Variants in UNC13C observed in about 807,000 individuals in gnomAD.
The protein encoded by UNC13C is protein unc-13 homolog C.
Under a neutral mutation model 245.4 loss-of-function variants are expected in UNC13C, and 174 were observed. That is an observed-to-expected ratio of 0.71 (90% CI 0.63 to 0.80). The LOEUF (loss-of-function observed/expected upper bound fraction) is 0.80. UNC13C is among the 30% of genes least tolerant of loss of function. UNC13C has a pLI of 0.00. For synonymous variants in UNC13C, 992 were observed against 895.1 expected (o/e 1.11, Z -1.93); for missense variants, 2,829 against 2,602.9 (o/e 1.09, Z -1.89).
At chr15:54,254,591 G>A (rs970116700) in intron 8 of UNC13C, among the ~76,000 whole-genome samples, 3 of 152,160 alleles carry the variant, frequency 2.0e-5, no homozygotes, top group African/African-American at 7.2e-5. Flanking sequence ...ATAGGCATAC[G>A]CTATTAAAGG....
chr15:54,126,940 T>A (rs1357942921), intron 2 of UNC13C, among the ~76,000 whole-genome samples: 1 of 152,088 alleles, frequency 6.6e-6, no homozygotes, highest in Non-Finnish European at 1.5e-5. Flanking sequence ...ATGCGGCCAA[T>A]AGTTATATGA....
rs529059582 is a variant in UNC13C at position 54,535,325 on chromosome 15, C to T, written c.5696+2259C>T. On this transcript the variant is annotated intron_variant, in intron 26 of 32. Transcript: ENST00000260323. The stretch of plus-strand genomic sequence containing the variant: ...AATTCAACAAGACTTAGCTATCCTA[C>T]ACATATATCCACCTAACACTGGAGT... Among the ~76,000 whole-genome samples the T allele has an allele frequency of 3.3e-5, 5 of 152,240 alleles. No individual in the cohort carries two copies. The South Asian group carries it at 6.2e-4, about 19-fold the overall frequency.
At chr15:53,891,244 C>T in the UNC13C span, among the ~76,000 whole-genome samples, 1 of 152,140 alleles carries the variant, frequency 6.6e-6, no homozygotes, top group Admixed American at 6.6e-5. Context: ...GTTATGATTT[C>T]CATTGTTTTG....
intron 8 of UNC13C, among the ~76,000 whole-genome samples, chr15:54,254,599 A>G (rs1165119947): frequency 6.6e-6 from 1 of 152,216 alleles, no homozygotes; most frequent in Non-Finnish European, 1.5e-5. Flanking sequence ...ACGCTATTAA[A>G]GGAGCTTCGA....
At chr15:54,544,530 T>C (rs1464516767) in intron 26 of UNC13C, among the ~76,000 whole-genome samples, 3 of 152,196 alleles carry the variant, frequency 2.0e-5, no homozygotes, top group African/African-American at 4.8e-5. Flanking sequence ...GATGACATGA[T>C]TGTATATTTG....
intron 2 of UNC13C, among the ~76,000 whole-genome samples, chr15:54,027,942 C>G (rs1896186583): frequency 6.6e-6 from 1 of 152,172 alleles, no homozygotes; most frequent in African/African-American, 2.4e-5. Flanking sequence ...TCAGCCATGC[C>G]TTGAGCACAT....
At chr15:54,233,891 T>C (rs2035618239) in intron 4 of UNC13C, among the ~76,000 whole-genome samples, 2 of 152,008 alleles carry the variant, frequency 1.3e-5, no homozygotes, top group African/African-American at 4.8e-5. Context: ...CAGCAAGGGG[T>C]TTTGTAGTTC....
At chr15:54,284,435 C>G (rs904073725) in intron 10 of UNC13C, among the ~76,000 whole-genome samples, 9 of 152,302 alleles carry the variant, frequency 5.9e-5, no homozygotes, top group Admixed American at 5.9e-4. Context: ...AAACAAAAAA[C>G]TCCCAGGACA....
chr15:54,015,511 C>T lies in UNC13C; in HGVS notation c.2608C>T (p.Pro870Ser), dbSNP rs1171282800. The change falls in exon 2 of 33, where the codon CCA becomes TCA. Residue 870 changes from proline (P) to serine (S), a missense_variant. Coordinates refer to ENST00000260323, the MANE Select transcript of UNC13C (RefSeq NM_001080534.3). ...KAEDEEDYTEPVADNETDYVE... is the reference protein window; with the variant it reads ...KAEDEEDYTESVADNETDYVE... ...AGAGGATGAGGAAGATTATACTGAACCAGTGGCTGACAATGAAACAGATTA... is the reference window on the plus strand; with the variant it reads ...AGAGGATGAGGAAGATTATACTGAATCAGTGGCTGACAATGAAACAGATTA... The T allele has an allele frequency of 6.2e-7, 1 of 1,612,748 alleles. No homozygotes were observed. Among genetic ancestry groups the T allele is most frequent in the Non-Finnish European group, 8.5e-7 (1 of 1,179,064 alleles).
At chr15:54,419,234 G>C (rs1387915770) in intron 19 of UNC13C, among the ~76,000 whole-genome samples, 3 of 152,122 alleles carry the variant, frequency 2.0e-5, no homozygotes, top group African/African-American at 7.2e-5. Context: ...TGATAGAGAT[G>C]AATACATCAG....
chr15:54,130,670 G>C (rs1029307755), intron 2 of UNC13C, among the ~76,000 whole-genome samples: 1 of 152,130 alleles, frequency 6.6e-6, no homozygotes, highest in Non-Finnish European at 1.5e-5. Flanking sequence ...ACCTACATCT[G>C]TATTTGGTAT....
intron 2 of UNC13C, among the ~76,000 whole-genome samples, chr15:54,028,525 C>T (rs556344604): frequency 2.0e-5 from 3 of 152,184 alleles, no homozygotes; most frequent in African/African-American, 4.8e-5. Flanking sequence ...GAGCCCATAG[C>T]GCTGAAAATT....
intron 7 of UNC13C, among the ~76,000 whole-genome samples, chr15:54,243,070 T>G (rs2035897712): frequency 6.6e-6 from 1 of 152,164 alleles, no homozygotes; most frequent in Non-Finnish European, 1.5e-5. Context: ...GCTGCCCAGA[T>G]CAACCCATCA....
At chr15:54,086,926 G>A (rs1899277804) in intron 2 of UNC13C, among the ~76,000 whole-genome samples, 1 of 151,578 alleles carries the variant, frequency 6.6e-6, no homozygotes, top group Admixed American at 6.6e-5. Flanking sequence ...AGTAGAGACG[G>A]GGTTTCACCA....
intron 2 of UNC13C, among the ~76,000 whole-genome samples, chr15:54,128,179 AAT>A (rs2031182864): frequency 6.6e-6 from 1 of 152,176 alleles, no homozygotes; most frequent in African/African-American, 2.4e-5. Flanking sequence ...CCACAAAGAA[AAT>A]GAAGTACTCA....
chr15:54,271,962 A>G (rs535965614), intron 10 of UNC13C, among the ~76,000 whole-genome samples: 3 of 152,352 alleles, frequency 2.0e-5, no homozygotes, highest in Admixed American at 6.5e-5. Flanking sequence ...GTTAAGTACC[A>G]TGGAAAGTAT....
chr15:53,940,587 G>A, the UNC13C span, among the ~76,000 whole-genome samples: 3 of 152,118 alleles, frequency 2.0e-5, no homozygotes, highest in African/African-American at 7.2e-5. Flanking sequence ...CAGCCTAAAA[G>A]CTTCTTAAGC....
chr15:54,464,707 G>T (rs1892072914), intron 19 of UNC13C, among the ~76,000 whole-genome samples: 1 of 152,012 alleles, frequency 6.6e-6, no homozygotes, highest in African/African-American at 2.4e-5. Context: ...TAGAAGAGGT[G>T]GTATTGCTCC....
chr15:54,490,987 G>T (rs145938911), intron 19 of UNC13C, among the ~76,000 whole-genome samples: 1 of 152,110 alleles, frequency 6.6e-6, no homozygotes, highest in Non-Finnish European at 1.5e-5. Flanking sequence ...TGTACCTGTC[G>T]AAAATCAAGG....
Sources: allele counts gnomAD v4.1 joint callset (sites outside exome capture counted in the v4.1 genomes callset), GRCh38; gene constraint gnomAD v4.1.1; transcripts MANE v1.5; gene names NCBI Gene and HGNC (gene_info 2026-07-23, HGNC 2026-07-21).